TRAPPC9: variants seen among roughly 807,000 people sequenced by gnomAD.
The protein encoded by TRAPPC9 is trafficking protein particle complex subunit 9, also known as IKK2 binding protein.
A neutral mutation model predicts 124.0 loss-of-function variants in TRAPPC9; 83 were observed. That is an observed-to-expected ratio of 0.67 (90% CI 0.56 to 0.80). The LOEUF (loss-of-function observed/expected upper bound fraction) is 0.80. Among genes scored for constraint, TRAPPC9 ranks in the 30% least tolerant of loss-of-function variants. The pLI is 0.00. For missense variants in TRAPPC9, 1,302 were observed against 1,508.3 expected, an observed-to-expected ratio of 0.86 and a Z score of 2.27; for synonymous variants, 638 against 617.5, an observed-to-expected ratio of 1.03 and a Z score of -0.49.
chr8:139,910,431 A>T, intron 19 of TRAPPC9, 131 bp from the exon 20 acceptor site: 1 of 1,007,874 alleles, frequency 9.9e-7, no homozygotes, highest in South Asian at 1.4e-5. Context: ...TAACGGATTC[A>T]TTCCAAGAAA....
At chr8:139,801,343 G>A (rs749977424) in intron 21 of TRAPPC9, among the ~76,000 whole-genome samples, 1 of 152,204 alleles carries the variant, frequency 6.6e-6, no homozygotes, top group East Asian at 1.9e-4. Context: ...ATCCCAGCCC[G>A]GACACCTCCT....
chr8:140,314,005 G>A (rs1427723806), intron 9 of TRAPPC9, among the ~76,000 whole-genome samples: 1 of 152,138 alleles, frequency 6.6e-6, no homozygotes, highest in Admixed American at 6.5e-5. Context: ...GCTATAAATT[G>A]TTGCCAGATC....
chr8:139,829,171 G>A (rs577471545), intron 21 of TRAPPC9, among the ~76,000 whole-genome samples: 8 of 152,326 alleles, frequency 5.3e-5, no homozygotes, highest in African/African-American at 1.9e-4. Context: ...ACTAATGTGT[G>A]AGAATGTGTA....
chr8:140,447,691 T>C (rs2071316642), intron 2 of TRAPPC9, among the ~76,000 whole-genome samples: 2 of 152,144 alleles, frequency 1.3e-5, no homozygotes, highest in South Asian at 4.1e-4. Flanking sequence ...AGGAGGCCTA[T>C]CAGTATGGTC....
intron 21 of TRAPPC9, among the ~76,000 whole-genome samples, chr8:139,786,675 T>C (rs1822275487): frequency 6.6e-6 from 1 of 152,184 alleles, no homozygotes; most frequent in Admixed American, 6.5e-5. Context: ...GTCTATCAAG[T>C]GAGTGGATCA....
At chr8:139,753,149 A>G (rs1819468789) in intron 21 of TRAPPC9, among the ~76,000 whole-genome samples, 1 of 135,008 alleles carries the variant, frequency 7.4e-6, no homozygotes, top group African/African-American at 2.9e-5. Flanking sequence ...ACCATCCACC[A>G]TCCACCCATC....
intron 21 of TRAPPC9, among the ~76,000 whole-genome samples, chr8:139,838,003 A>G (rs1035989777): frequency 1.1e-4 from 17 of 151,964 alleles, no homozygotes; most frequent in African/African-American, 3.9e-4. Context: ...ATCTGATCAC[A>G]CCACCCAAAG....
At chr8:140,057,966 C>CA (rs1461415484) in intron 17 of TRAPPC9, among the ~76,000 whole-genome samples, 1 of 152,222 alleles carries the variant, frequency 6.6e-6, no homozygotes, top group African/African-American at 2.4e-5. Context: ...CCACCTGCAC[C>CA]ACGCTGGGGG....
chr8:140,223,611 G>A (rs758485926), intron 16 of TRAPPC9, among the ~76,000 whole-genome samples: 2 of 152,180 alleles, frequency 1.3e-5, no homozygotes, highest in African/African-American at 4.8e-5. Context: ...ATAAGATGAA[G>A]AGTATTTACT....
intron 1 of TRAPPC9, 65 bp from the exon 2 acceptor site, chr8:140,451,448 G>GT: frequency 7.2e-7 from 1 of 1,393,656 alleles, no homozygotes; most frequent in Non-Finnish European, 9.9e-7. Flanking sequence ...CCTACCCTGG[G>GT]AGGCAGTGAC....
chr8:140,312,752 CTTCTTCTTT>C (rs2066331780), intron 9 of TRAPPC9, among the ~76,000 whole-genome samples: 2 of 146,928 alleles, frequency 1.4e-5, no homozygotes, highest in African/African-American at 5.1e-5. Flanking sequence ...TCTTCTTCTT[CTTCTTCTTT>C]TTTTTTTTTT....
intron 16 of TRAPPC9, among the ~76,000 whole-genome samples, chr8:140,240,621 G>A (rs72688849): frequency 6.6e-6 from 1 of 152,116 alleles, no homozygotes; most frequent in Non-Finnish European, 1.5e-5. Context: ...CGCCCAGGTT[G>A]GCGTGCAGTG....
chr8:140,036,167 G>A (rs886785899), intron 17 of TRAPPC9, among the ~76,000 whole-genome samples: 2 of 151,974 alleles, frequency 1.3e-5, no homozygotes, highest in African/African-American at 2.4e-5. Flanking sequence ...TGCTCCCAAC[G>A]GGCTGGGAAG....
At chr8:139,904,911 C>T (rs1831250861) in intron 20 of TRAPPC9, 1 of 152,190 alleles carries the variant, frequency 6.6e-6, no homozygotes, top group Non-Finnish European at 1.5e-5. Flanking sequence ...GTCATTAGTC[C>T]TATCCCAAAG....
chr8:139,843,463 A>G (rs1302866904), intron 21 of TRAPPC9, among the ~76,000 whole-genome samples: 1 of 152,210 alleles, frequency 6.6e-6, no homozygotes, highest in Non-Finnish European at 1.5e-5. Context: ...GATAGGCAGA[A>G]CGATCCCTCC....
At chr8:140,304,065 T>C (rs1006591256) in intron 10 of TRAPPC9, among the ~76,000 whole-genome samples, 4 of 152,104 alleles carry the variant, frequency 2.6e-5, no homozygotes, top group Admixed American at 6.5e-5. Context: ...TCTTATGTCA[T>C]AGGGGCTGAC....
chr8:139,887,669 A>G (rs1430318270), intron 20 of TRAPPC9, among the ~76,000 whole-genome samples: 1 of 151,746 alleles, frequency 6.6e-6, no homozygotes, highest in Admixed American at 6.6e-5. Context: ...TTATATCTCA[A>G]CCTGACCTTG....
At chr8:140,413,757 G>A (rs1021814536) in intron 5 of TRAPPC9, among the ~76,000 whole-genome samples, 1 of 147,646 alleles carries the variant, frequency 6.8e-6, no homozygotes, top group Non-Finnish European at 1.5e-5. Flanking sequence ...GAGAATATGC[G>A]GTGTTTGGTT....
intron 17 of TRAPPC9, among the ~76,000 whole-genome samples, chr8:140,156,753 CA>C (rs1335161758): frequency 1.1e-4 from 16 of 152,124 alleles, no homozygotes; most frequent in African/African-American, 3.6e-4. Context: ...GCCACTGATA[CA>C]ATATGAGGGC....
Sources: allele counts gnomAD v4.1 joint callset (sites outside exome capture counted in the v4.1 genomes callset), GRCh38; gene constraint gnomAD v4.1.1; transcripts MANE v1.5; gene names NCBI Gene and HGNC (gene_info 2026-07-23, HGNC 2026-07-21).